The following NFIB variants were observed in gnomAD, a reference collection of about 807,000 sequenced individuals.
NFIB encodes the protein nuclear factor 1 B-type.
NFIB carries 11 observed loss-of-function variants against 61.5 expected under a neutral mutation model. That is an observed-to-expected ratio of 0.18 (90% CI 0.11 to 0.30). The LOEUF (loss-of-function observed/expected upper bound fraction) is 0.30, where lower values mean the gene tolerates loss of function less well. Ranked by LOEUF, NFIB falls within the 10% of genes least tolerant of loss-of-function variation. The pLI is 1.00. For synonymous variants in NFIB, 260 were observed against 216.5 expected, an observed-to-expected ratio of 1.20 and a Z score of -1.76; for missense variants, 471 against 608.9, an observed-to-expected ratio of 0.77 and a Z score of 2.38.
At chr9:14,492,658 G>C in the NFIB span, among the ~76,000 whole-genome samples, 1 of 152,074 alleles carries the variant, frequency 6.6e-6, no homozygotes, top group Non-Finnish European at 1.5e-5. Flanking sequence ...CCAAAGGGAT[G>C]GTGTTAACCC....
the NFIB span, among the ~76,000 whole-genome samples, chr9:14,465,346 A>G: frequency 1.3e-5 from 2 of 152,146 alleles, no homozygotes; most frequent in African/African-American, 4.8e-5. Context: ...AACAAACAGA[A>G]AGAAATCACA....
intron 2 of NFIB, among the ~76,000 whole-genome samples, chr9:14,258,005 G>A (rs1329367868): frequency 1.3e-5 from 2 of 152,106 alleles, no homozygotes; most frequent in Non-Finnish European, 2.9e-5. Flanking sequence ...TGAGCAGTGT[G>A]GACTTCCCCC....
At chr9:14,423,848 A>G in the NFIB span, among the ~76,000 whole-genome samples, 116 of 152,232 alleles carry the variant, frequency 7.6e-4, no homozygotes, top group African/African-American at 1.1e-3. Flanking sequence ...ATCTTACACC[A>G]TATGTATTTT....
chr9:14,467,843 A>T, the NFIB span, among the ~76,000 whole-genome samples: 1 of 152,200 alleles, frequency 6.6e-6, no homozygotes, highest in African/African-American at 2.4e-5. Flanking sequence ...TATATGGAAG[A>T]CACTGTTGTC....
the NFIB span, among the ~76,000 whole-genome samples, chr9:14,425,202 C>T: frequency 2.4e-4 from 37 of 152,316 alleles, 1 homozygote; most frequent in Admixed American, 2.0e-3. Flanking sequence ...GTCAGCGAGC[C>T]TTGCTTGAGG....
intron 10 of NFIB, among the ~76,000 whole-genome samples, chr9:14,098,542 C>T (rs1414509988): frequency 1.3e-5 from 2 of 152,284 alleles, no homozygotes; most frequent in African/African-American, 4.8e-5. Flanking sequence ...CAGGGAGTAA[C>T]TGCTGTATAT....
At chr9:14,102,766 A>AGCCATTATTAGAGT (rs2035968282) in intron 10 of NFIB, among the ~76,000 whole-genome samples, 1 of 152,236 alleles carries the variant, frequency 6.6e-6, no homozygotes, top group Admixed American at 6.5e-5. Context: ...CTTAGAACAT[A>AGCCATTATTAGAGT]ACAATTAGCC....
At chr9:14,259,813 G>A (rs1587983783) in intron 2 of NFIB, among the ~76,000 whole-genome samples, 1 of 152,154 alleles carries the variant, frequency 6.6e-6, no homozygotes, top group Non-Finnish European at 1.5e-5. Flanking sequence ...GCTGAGGCAC[G>A]AGAATCGCTT....
intron 10 of NFIB, among the ~76,000 whole-genome samples, chr9:14,110,003 G>A (rs978620463): frequency 6.6e-6 from 1 of 152,010 alleles, no homozygotes; most frequent in Non-Finnish European, 1.5e-5. Context: ...TAAATGATAT[G>A]AAAGTGTATA....
the NFIB span, among the ~76,000 whole-genome samples, chr9:14,492,516 C>G: frequency 2.0e-5 from 3 of 152,022 alleles, no homozygotes; most frequent in South Asian, 6.2e-4. Flanking sequence ...GGAAAACTTA[C>G]AATCATGGTG....
chr9:14,388,994 G>A (rs1354487344), intron 1 of NFIB, among the ~76,000 whole-genome samples: 1 of 152,170 alleles, frequency 6.6e-6, no homozygotes, highest in Non-Finnish European at 1.5e-5. Context: ...AAACTTAAGG[G>A]TTGGGGCCTG....
At chr9:14,327,728 G>A (rs992294327) in intron 1 of NFIB, among the ~76,000 whole-genome samples, 3 of 152,160 alleles carry the variant, frequency 2.0e-5, no homozygotes, top group African/African-American at 7.2e-5. Flanking sequence ...CTTGTAGAAT[G>A]AAAATAGTGT....
At chr9:14,343,833 C>T (rs1311351225) in intron 1 of NFIB, among the ~76,000 whole-genome samples, 22 of 87,282 alleles carry the variant, frequency 2.5e-4, no homozygotes, top group African/African-American at 5.7e-4. Context: ...AAGGGGGGGT[C>T]GGGGGGGGAA....
the NFIB span, among the ~76,000 whole-genome samples, chr9:14,455,963 T>A: frequency 1.3e-5 from 2 of 152,200 alleles, no homozygotes; most frequent in African/African-American, 4.8e-5. Context: ...AAAATTAGTG[T>A]CAAGAGGTAT....
chr9:14,285,024 G>A (rs1044580129), intron 2 of NFIB, among the ~76,000 whole-genome samples: 3 of 152,194 alleles, frequency 2.0e-5, no homozygotes, highest in Non-Finnish European at 2.9e-5. Context: ...AGACTGCTTA[G>A]TTTAAAAGAT....
At chr9:14,267,460 G>A (rs111294554) in intron 2 of NFIB, among the ~76,000 whole-genome samples, 1 of 152,070 alleles carries the variant, frequency 6.6e-6, no homozygotes, top group Non-Finnish European at 1.5e-5. Flanking sequence ...CATAACTGAC[G>A]TCACAAATGA....
At chr9:14,218,777 G>A (rs766528672) in intron 2 of NFIB, among the ~76,000 whole-genome samples, 3 of 152,140 alleles carry the variant, frequency 2.0e-5, no homozygotes, top group Non-Finnish European at 4.4e-5. Flanking sequence ...TGATCACAGT[G>A]GATGCCTAGA....
the NFIB span, among the ~76,000 whole-genome samples, chr9:14,450,913 A>C: frequency 6.6e-6 from 1 of 152,368 alleles, no homozygotes; most frequent in Non-Finnish European, 1.5e-5. Flanking sequence ...TGTGATTTAC[A>C]GACATTGTCT....
At position 14,284,244 on chromosome 9, in the gene NFIB, C is replaced by T. The variant is rs190454136; in HGVS notation, c.562+22745G>A. ...GGAATGGGACATTTTGTTGTTTTTA[C>T]TATTACTAATATTGCTACCAATTAA... On this transcript the variant is annotated intron_variant, in intron 2 of 10. Transcript: ENST00000380953. 3.9e-3 allele frequency among the ~76,000 whole-genome samples: 600 copies of T among 152,178 alleles called. 4 individuals are homozygous for T. Among genetic ancestry groups the T allele is most frequent in the African/African-American group, 0.014 (584 of 41,532 alleles).
Sources: allele counts gnomAD v4.1 joint callset (sites outside exome capture counted in the v4.1 genomes callset), GRCh38; gene constraint gnomAD v4.1.1; transcripts MANE v1.5; gene names NCBI Gene and HGNC (gene_info 2026-07-23, HGNC 2026-07-21).